The following CNTNAP2 variants were observed in gnomAD, a reference collection of about 807,000 sequenced individuals.
CNTNAP2 encodes the protein contactin-associated protein-like 2.
CNTNAP2 carries 98 observed loss-of-function variants against 155.2 expected under a neutral mutation model. The observed-to-expected ratio is 0.63, with a 90% CI of 0.54 to 0.75. CNTNAP2 has a LOEUF of 0.75. CNTNAP2 is among the 30% of genes least tolerant of loss of function. CNTNAP2 has a pLI of 0.00. For synonymous variants in CNTNAP2, 651 were observed against 631.2 expected, an observed-to-expected ratio of 1.03 and a Z score of -0.47; for missense variants, 1,727 against 1,688.1, an observed-to-expected ratio of 1.02 and a Z score of -0.40.
At chr7:146,463,373 C>G (rs1013182074) in intron 1 of CNTNAP2, among the ~76,000 whole-genome samples, 12 of 152,022 alleles carry the variant, frequency 7.9e-5, no homozygotes, top group African/African-American at 2.9e-4. Context: ...CCTGCTACCC[C>G]CATTAGTTCC....
chr7:146,786,879 CTGTT>C (rs1802582929), intron 2 of CNTNAP2: 1 of 152,166 alleles, frequency 6.6e-6, no homozygotes, highest in South Asian at 2.1e-4. Context: ...ACAATGGTAT[CTGTT>C]TGAACTGCGG....
intron 13 of CNTNAP2, among the ~76,000 whole-genome samples, chr7:147,799,189 G>A (rs1412514305): frequency 6.6e-6 from 1 of 152,188 alleles, no homozygotes; most frequent in Non-Finnish European, 1.5e-5. Flanking sequence ...AGGATAGAAA[G>A]AATGGTAGAC....
At chr7:147,684,423 T>C (rs559023618) in intron 13 of CNTNAP2, among the ~76,000 whole-genome samples, 4 of 152,008 alleles carry the variant, frequency 2.6e-5, no homozygotes, top group Admixed American at 1.3e-4. Flanking sequence ...TATTTTCAAA[T>C]ATAAACACCT....
intron 3 of CNTNAP2, among the ~76,000 whole-genome samples, chr7:146,879,123 A>C (rs1795486925): frequency 6.6e-6 from 1 of 152,150 alleles, no homozygotes; most frequent in Admixed American, 6.6e-5. Context: ...AGGTTGACTG[A>C]GGCAGTGTCT....
At chr7:146,717,527 A>G (rs934498972) in intron 1 of CNTNAP2, among the ~76,000 whole-genome samples, 4 of 152,148 alleles carry the variant, frequency 2.6e-5, no homozygotes, top group South Asian at 2.1e-4. Context: ...GTTATTAAAC[A>G]TGTAAAAGAA....
At chr7:146,435,481 A>G (rs1171076685) in intron 1 of CNTNAP2, among the ~76,000 whole-genome samples, 1 of 152,212 alleles carries the variant, frequency 6.6e-6, no homozygotes, top group East Asian at 1.9e-4. Context: ...CGAACAAATG[A>G]TATGAAATCA....
intron 8 of CNTNAP2, among the ~76,000 whole-genome samples, chr7:147,177,238 C>T (rs1802367789): frequency 6.6e-6 from 1 of 151,916 alleles, no homozygotes; most frequent in Non-Finnish European, 1.5e-5. Flanking sequence ...CCAAATCTCA[C>T]CTTGAATTGT....
At chr7:148,367,753 A>C (rs1395878448) in intron 21 of CNTNAP2, among the ~76,000 whole-genome samples, 2 of 152,176 alleles carry the variant, frequency 1.3e-5, no homozygotes, top group Non-Finnish European at 2.9e-5. Flanking sequence ...AAATATTTTA[A>C]GCTCTCATCT....
intron 1 of CNTNAP2, among the ~76,000 whole-genome samples, chr7:146,363,623 A>G (rs558234122): frequency 6.6e-6 from 1 of 152,304 alleles, no homozygotes; most frequent in South Asian, 2.1e-4. Context: ...ACAAAATCAG[A>G]GGTCAATGCT....
At chr7:148,409,811 GGAGGCC>G (rs752947117) in intron 23 of CNTNAP2, among the ~76,000 whole-genome samples, 2 of 97,374 alleles carry the variant, frequency 2.1e-5, no homozygotes, top group Non-Finnish European at 4.4e-5. Flanking sequence ...CAGCACTTTG[GGAGGCC>G]GAGGCGGGCG....
intron 13 of CNTNAP2, among the ~76,000 whole-genome samples, chr7:147,717,247 G>A (rs2117023079): frequency 6.6e-6 from 1 of 152,212 alleles, no homozygotes; most frequent in Admixed American, 6.5e-5. Context: ...CAGGCCTGGG[G>A]AGGTTCACTC....
At chr7:146,811,605 G>A (rs1228711452) in intron 2 of CNTNAP2, among the ~76,000 whole-genome samples, 2 of 151,590 alleles carry the variant, frequency 1.3e-5, no homozygotes, top group Admixed American at 1.3e-4. Flanking sequence ...CTTTTCTATA[G>A]GCTTTTCTTT....
chr7:146,196,616 G>A (rs1036348954), intron 1 of CNTNAP2, among the ~76,000 whole-genome samples: 1 of 151,878 alleles, frequency 6.6e-6, no homozygotes, highest in African/African-American at 2.4e-5. Flanking sequence ...AGAGAGAATT[G>A]TGGGACCTAG....
intron 1 of CNTNAP2, among the ~76,000 whole-genome samples, chr7:146,262,330 G>A (rs1350590766): frequency 1.3e-5 from 2 of 152,030 alleles, no homozygotes; most frequent in African/African-American, 4.8e-5. Flanking sequence ...CCCCTCAATT[G>A]CACGTTAGAC....
chr7:147,930,191 A>G (rs368872116), intron 14 of CNTNAP2, among the ~76,000 whole-genome samples: 1 of 152,192 alleles, frequency 6.6e-6, no homozygotes, highest in Non-Finnish European at 1.5e-5. Context: ...AAACAAACAA[A>G]CAAAAAAGGT....
chr7:147,552,793 G>A (rs1799877442), intron 11 of CNTNAP2, among the ~76,000 whole-genome samples: 1 of 152,130 alleles, frequency 6.6e-6, no homozygotes, highest in South Asian at 2.1e-4. Flanking sequence ...CAGAATTCCT[G>A]TGTTCAAATC....
At chr7:147,772,475 TATATATATAC>T (rs1439609821) in intron 13 of CNTNAP2, among the ~76,000 whole-genome samples, 15 of 104,522 alleles carry the variant, frequency 1.4e-4, no homozygotes, top group African/African-American at 5.6e-4. Context: ...TATATATATA[TATATATATAC>T]ACACACAAAA....
At chr7:146,959,329 G>A (rs537157902) in intron 3 of CNTNAP2, among the ~76,000 whole-genome samples, 6 of 152,078 alleles carry the variant, frequency 3.9e-5, no homozygotes, top group East Asian at 1.9e-4. Context: ...AACCTGTAGC[G>A]AGAAAAGATG....
chr7:147,003,796 G>T (rs920788055), intron 3 of CNTNAP2, among the ~76,000 whole-genome samples: 2 of 151,946 alleles, frequency 1.3e-5, no homozygotes, highest in East Asian at 3.9e-4. Context: ...GGCTGAGTGA[G>T]GTGGAAGGAC....
Sources: gnomAD v4.1 joint callset for allele counts (sites outside exome capture counted in the v4.1 genomes callset) on GRCh38, gnomAD v4.1.1 for gene constraint, MANE v1.5 for transcripts, NCBI Gene and HGNC (gene_info 2026-07-23, HGNC 2026-07-21) for gene names.